IFT172: variants seen among roughly 807,000 people sequenced by gnomAD.
IFT172 encodes intraflagellar transport protein 172 homolog.
A neutral mutation model predicts 248.9 loss-of-function variants in IFT172; 164 were observed. That is an observed-to-expected ratio of 0.66 (90% CI 0.58 to 0.75). The LOEUF (loss-of-function observed/expected upper bound fraction) is 0.75, where lower values mean the gene tolerates loss of function less well. IFT172 is among the 30% of genes least tolerant of loss of function. IFT172 has a pLI of 0.00. For synonymous variants in IFT172, 729 were observed against 791.6 expected, an observed-to-expected ratio of 0.92 and a Z score of 1.33; for missense variants, 1,950 against 2,192.4, an observed-to-expected ratio of 0.89 and a Z score of 2.21.
In IFT172 at chr2:27,448,149, G is replaced by C. The variant is rs140177261; in HGVS notation, c.4429-227C>G. ...AGTCTTGCTCTGTTGCCCAAGGCTG[G>C]AGTGCAGTAGCATGATCTCGGCTCA... On this transcript the variant is annotated intron_variant, in intron 40 of 47. Coordinates refer to ENST00000260570, the MANE Select transcript of IFT172 (RefSeq NM_015662.3). Among the ~76,000 whole-genome samples the C allele has an allele frequency of 9.5e-3, 1,447 of 152,150 alleles. 18 individuals are homozygous for C. Among genetic ancestry groups the C allele is most frequent in the African/African-American group, 0.033 (1,387 of 41,482 alleles).
At chr2:27,448,827 T>C (rs1665403677) in intron 40 of IFT172, 88 bp downstream of exon 40, 3 of 772,604 alleles carry the variant, frequency 3.9e-6, no homozygotes, top group African/African-American at 3.4e-5. Context: ...TAGAATCCTC[T>C]GAGAAGATAG....
chr2:27,459,559 A>AAAGATG, intron 24 of IFT172, 37 bp from the exon 25 acceptor site: 1 of 1,611,442 alleles, frequency 6.2e-7, no homozygotes, highest in Admixed American at 1.7e-5. Flanking sequence ...ATGTAGGATG[A>AAAGATG]AAGATGAAGA....
chr2:27,449,928 G>T, intron 36 of IFT172, 70 bp downstream of exon 36: 1 of 1,442,352 alleles, frequency 6.9e-7, no homozygotes, highest in Non-Finnish European at 9.7e-7. Flanking sequence ...ACACCTTCCT[G>T]GGTGTAGATG....
At chr2:27,480,964 C>T in intron 8 of IFT172, 82 bp downstream of exon 8, 1 of 1,092,432 alleles carries the variant, frequency 9.2e-7, no homozygotes. Context: ...CAGTCTCGCA[C>T]TCTGGCTCAG....
chr2:27,470,948 C>CA lies in IFT172; in HGVS notation c.1671_1672insT (p.Val558CysfsTer7). 1 of 1,607,440 alleles carries CA rather than the reference C, an allele frequency of 6.2e-7. No individual in the cohort carries two copies. The highest frequency in any genetic ancestry group is 2.2e-5 in the East Asian group (1 of 44,778). On this transcript the variant is annotated frameshift_variant, in exon 16 of 48. Transcript: ENST00000260570. LOFTEE classifies it high-confidence loss of function. ...CATACCCTAATAGTGAACATGGTGA[C>CA]TCTCTCAGGTGCCTCAATGTTGTAC...
chr2:27,481,425 T>TCACACACACACACACA (rs71401571), intron 7 of IFT172, among the ~76,000 whole-genome samples, 165 bp from the exon 8 acceptor site: 3 of 145,160 alleles, frequency 2.1e-5, no homozygotes, highest in African/African-American at 7.6e-5. Context: ...TCACAAATTG[T>TCACACACACACACACA]CACACACACA....
intron 10 of IFT172, 140 bp downstream of exon 10, chr2:27,479,369 A>G (rs1393919036): frequency 1.7e-5 from 11 of 641,006 alleles, no homozygotes; most frequent in Middle Eastern, 3.7e-4. Flanking sequence ...TTGCCCTGAC[A>G]TATTCTGTTG....
In IFT172 at chr2:27,445,334, G is replaced by T; in HGVS notation, c.5030C>A (p.Ala1677Glu). 1 of 1,613,190 alleles carries T rather than the reference G, an allele frequency of 6.2e-7. No homozygotes were observed. The change falls in exon 46 of 48, where the codon GCG becomes GAG. Residue 1677 changes from alanine (A) to glutamate (E), a missense_variant. Ala to Glu is a moderately radical substitution (Grantham distance 107, BLOSUM62 -1). Transcript: ENST00000260570. The surrounding 1 kb of genome is among the most constrained non-coding windows in gnomAD (Gnocchi z 4.4). ...GGGCAGGGCTCGAACACCAGTGCTC[G>T]CTGCCACTAGGGAGGCCTCGTAGGC... ...RGAYEASLVA[A>E]STGVRALPCL...
intron 14 of IFT172, 98 bp from the exon 15 acceptor site, chr2:27,472,460 G>A (rs1667644449): frequency 2.5e-5 from 22 of 884,780 alleles, no homozygotes; most frequent in Non-Finnish European, 3.3e-5. Flanking sequence ...AGGAAGCTAG[G>A]TCTCTTTTAG....
chr2:27,444,796 C>G (rs556885484), intron 47 of IFT172, among the ~76,000 whole-genome samples: 1 of 152,180 alleles, frequency 6.6e-6, no homozygotes, highest in South Asian at 2.1e-4. Context: ...TACAGGTGCA[C>G]GCCACCAGAC....
chr2:27,462,756 C>T lies in IFT172; in HGVS notation c.2060G>A (p.Arg687His), dbSNP rs145601549. Residue 687 changes from arginine (R) to histidine (H), a missense_variant, in exon 20 of 48, where the codon CGT becomes CAT. Arg to His is a conservative substitution (Grantham distance 29, BLOSUM62 0). This residue lies in a region of IFT172 where 1,166 missense variants were observed against 1,254.1 expected (regional missense o/e 0.93). Coordinates refer to ENST00000260570, the MANE Select transcript of IFT172 (RefSeq NM_015662.3). ...EGTDFYQVRA[R>H]LAMLEKNYKL... ...GTAGTTCTTTTCCAGCATGGCTAGA[C>T]GTGCTCGGACCTGATAAAAGTCTGT... The T allele has an allele frequency of 1.2e-5, 19 of 1,614,062 alleles. No individual in the cohort carries two copies. The highest frequency in any genetic ancestry group is 1.0e-4 in the Admixed American group (6 of 60,014).
At chr2:27,444,948 CTTGT>C in intron 47 of IFT172, 62 bp downstream of exon 47, 2 of 1,555,412 alleles carry the variant, frequency 1.3e-6, no homozygotes, top group Non-Finnish European at 1.8e-6. Context: ...TGCACCCAGA[CTTGT>C]TTTTTTTTCT....
chr2:27,453,408 G>T lies in IFT172; in HGVS notation c.3927C>A (p.Gly1309=). Residue 1309 remains glycine (G), a synonymous_variant, in exon 35 of 48, where the codon GGC becomes GGA. Coordinates refer to ENST00000260570, the MANE Select transcript of IFT172 (RefSeq NM_015662.3). ...YLKVRDSGNS[G]LAEKCWMKAA... is the part of the protein sequence containing the mutation. ...CCTTCATCCAGCACTTCTCCGCCAG[G>T]CCGCTGTTTCCAGAGTCTCGCACTT... is the stretch of plus-strand genomic sequence containing the variant. The T allele has an allele frequency of 1.2e-6, 2 of 1,614,210 alleles. No individual in the cohort carries two copies. Among genetic ancestry groups the T allele is most frequent in the Non-Finnish European group, 1.7e-6 (2 of 1,180,040 alleles).
intron 1 of IFT172, 90 bp from the exon 2 acceptor site, chr2:27,485,593 G>A (rs1668703474): frequency 2.1e-6 from 3 of 1,451,632 alleles, no homozygotes; most frequent in Non-Finnish European, 2.8e-6. Flanking sequence ...TGTAATACTG[G>A]TCAATTTTCT....
chr2:27,476,668 G>A lies in IFT172; in HGVS notation c.1384C>T (p.Leu462Phe). The change falls in exon 14 of 48, where the codon CTT becomes TTT. Residue 462 changes from leucine (L) to phenylalanine (F), a missense_variant. This residue lies in a region of IFT172 where 1,166 missense variants were observed against 1,254.1 expected (regional missense o/e 0.93). Transcript: ENST00000260570. ...GTEDNKKLAYLIDIKTIAIVD... is the reference protein window; with the variant it reads ...GTEDNKKLAYFIDIKTIAIVD... Reference sequence around the variant, plus strand: ...ATAGCAATAGTCTTAATATCAATAAGATAAGCCAATTTCTTATTATCTTCT... The same window carrying A: ...ATAGCAATAGTCTTAATATCAATAAAATAAGCCAATTTCTTATTATCTTCT... 6.2e-7 allele frequency: 1 copy of A among 1,605,938 alleles called. No individual in the cohort carries two copies. Among genetic ancestry groups the A allele is most frequent in the Non-Finnish European group, 8.5e-7 (1 of 1,172,720 alleles).
At position 27,472,367 on chromosome 2, in the gene IFT172, A is replaced by G; in HGVS notation, c.1412-5T>C. ...TGTAGCCACCAATCAGATCCACTAT[A>G]GAATAAAGGAGACAGGGTTAAGAAG... On this transcript the variant is annotated splice_region_variant and splice_polypyrimidine_tract_variant and intron_variant, in intron 14 of 47. Transcript: ENST00000260570. 1.9e-6 allele frequency: 3 copies of G among 1,607,386 alleles called. No homozygotes were observed. Among genetic ancestry groups the G allele is most frequent in the Non-Finnish European group, 2.6e-6 (3 of 1,174,194 alleles).
chr2:27,470,335 A>C (rs1254289256), intron 16 of IFT172, among the ~76,000 whole-genome samples: 1 of 152,120 alleles, frequency 6.6e-6, no homozygotes, highest in Non-Finnish European at 1.5e-5. Context: ...AAAAGAAAGA[A>C]AGAACTAAAC....
rs1275938087 is a variant in IFT172, at chr2:27,458,810, G to T, written c.2846C>A (p.Thr949Asn). The change falls in exon 26 of 48, where the codon ACC (threonine) becomes AAC (asparagine). Residue 949 changes from threonine (T) to asparagine (N), a missense_variant. Physicochemically the swap from Thr to Asn is moderately conservative, Grantham distance 65. Transcript: ENST00000260570. ...DRTKDAIDMYTQAGRWEQAHK... is the reference protein window; with the variant it reads ...DRTKDAIDMYNQAGRWEQAHK... Reference sequence around the variant, plus strand: ...GGCTTGTTCCCAACGACCAGCCTGGGTGTACATGTCTATGGCATCTTTTGT... The same window carrying T: ...GGCTTGTTCCCAACGACCAGCCTGGTTGTACATGTCTATGGCATCTTTTGT... 2 of 1,614,050 alleles carry T rather than the reference G, an allele frequency of 1.2e-6. No homozygotes were observed. The highest frequency in any genetic ancestry group is 2.7e-5 in the African/African-American group (2 of 74,912).
At chr2:27,465,642 C>G (rs901129560) in intron 17 of IFT172, 104 bp downstream of exon 17, 2 of 1,548,624 alleles carry the variant, frequency 1.3e-6, no homozygotes, top group Non-Finnish European at 1.8e-6. Context: ...CCCAGGATCA[C>G]TGGATCCTTA....
Sources: gnomAD v4.1 joint callset for allele counts (sites outside exome capture counted in the v4.1 genomes callset) on GRCh38, gnomAD v4.1.1 for gene constraint, gnomAD v4.1.1 regional missense constraint, Gnocchi (gnomAD v3.1) non-coding constraint, MANE v1.5 for transcripts, NCBI Gene and HGNC (gene_info 2026-07-23, HGNC 2026-07-21) for gene names.